The following UBE2E2 variants were observed in gnomAD, a reference collection of about 807,000 sequenced individuals.
UBE2E2 encodes ubiquitin conjugating enzyme E2 E2, also known as ubiquitin-conjugating enzyme E2 E2.
Under a neutral mutation model 24.7 loss-of-function variants are expected in UBE2E2, and 6 were observed. The observed-to-expected ratio is 0.24, with a 90% CI of 0.13 to 0.48. The LOEUF is 0.48. UBE2E2 is among the 20% of genes least tolerant of loss of function. The pLI, the probability that UBE2E2 is intolerant of heterozygous loss-of-function variation, is 0.99. For missense variants in UBE2E2, 169 were observed against 245.0 expected, an observed-to-expected ratio of 0.69 and a Z score of 2.07; for synonymous variants, 104 against 83.6, an observed-to-expected ratio of 1.24 and a Z score of -1.33.
At chr3:23,271,472 G>T (rs1459974713) in intron 3 of UBE2E2, among the ~76,000 whole-genome samples, 1 of 152,152 alleles carries the variant, frequency 6.6e-6, no homozygotes, top group Non-Finnish European at 1.5e-5. Context: ...ACCCGAGTGG[G>T]TTGCTGCCGC....
chr3:23,302,368 C>T (rs1699121812), intron 3 of UBE2E2, among the ~76,000 whole-genome samples: 1 of 152,200 alleles, frequency 6.6e-6, no homozygotes. Context: ...TATCTTATTA[C>T]CAGTTATGCC....
intron 3 of UBE2E2, among the ~76,000 whole-genome samples, chr3:23,339,291 A>G (rs1248753062): frequency 1.3e-5 from 2 of 152,200 alleles, no homozygotes; most frequent in Non-Finnish European, 2.9e-5. Context: ...ATTAAAGGAA[A>G]CCAAAGAGAT....
At chr3:23,389,342 C>T (rs1250427428) in intron 3 of UBE2E2, among the ~76,000 whole-genome samples, 2 of 152,172 alleles carry the variant, frequency 1.3e-5, no homozygotes, top group African/African-American at 4.8e-5. Flanking sequence ...CATCCCCATT[C>T]CTACATTTAA....
At chr3:23,309,969 G>A (rs1365173876) in intron 3 of UBE2E2, among the ~76,000 whole-genome samples, 1 of 152,102 alleles carries the variant, frequency 6.6e-6, no homozygotes, top group African/African-American at 2.4e-5. Flanking sequence ...AGTCACAGAA[G>A]CTATCTAAAA....
intron 3 of UBE2E2, among the ~76,000 whole-genome samples, chr3:23,386,046 A>T (rs572952595): frequency 1.3e-5 from 2 of 152,332 alleles, no homozygotes; most frequent in South Asian, 4.1e-4. Flanking sequence ...ATTAGTGTGG[A>T]TCATGTCTGA....
At chr3:23,562,063 T>C (rs1387325225) in intron 5 of UBE2E2, among the ~76,000 whole-genome samples, 2 of 152,146 alleles carry the variant, frequency 1.3e-5, no homozygotes, top group Non-Finnish European at 2.9e-5. Context: ...CCTTTATTTC[T>C]TTCTCCTGCC....
chr3:23,285,978 T>A (rs1698606828), intron 3 of UBE2E2, among the ~76,000 whole-genome samples: 1 of 152,240 alleles, frequency 6.6e-6, no homozygotes. Flanking sequence ...ATTACAGAAA[T>A]GAGCCACTGT....
At chr3:23,526,145 G>A (rs1317361498) in intron 4 of UBE2E2, among the ~76,000 whole-genome samples, 1 of 152,106 alleles carries the variant, frequency 6.6e-6, no homozygotes, top group East Asian at 1.9e-4. Flanking sequence ...GTTCTCTTTA[G>A]CATTTAAATA....
intron 3 of UBE2E2, among the ~76,000 whole-genome samples, chr3:23,333,144 C>G (rs1695113024): frequency 6.6e-6 from 1 of 152,118 alleles, no homozygotes. Flanking sequence ...CCCTGCAAGG[C>G]TCTCTGAGAC....
chr3:23,291,821 T>C (rs2125248574), intron 3 of UBE2E2, among the ~76,000 whole-genome samples: 1 of 148,852 alleles, frequency 6.7e-6, no homozygotes, highest in African/African-American at 2.5e-5. Flanking sequence ...TAACTGGAAT[T>C]ACAGATGTGT....
intron 3 of UBE2E2, among the ~76,000 whole-genome samples, chr3:23,239,583 G>T (rs1412574226): frequency 6.6e-6 from 1 of 152,100 alleles, no homozygotes; most frequent in African/African-American, 2.4e-5. Context: ...AAAGCATTTA[G>T]TTTTATAATA....
intron 5 of UBE2E2, among the ~76,000 whole-genome samples, chr3:23,563,987 GAAAAA>G (rs1461736769): frequency 2.7e-5 from 4 of 148,082 alleles, no homozygotes; most frequent in Non-Finnish European, 4.5e-5. Context: ...AAGAAAGAAA[GAAAAA>G]GAAAAGAAAA....
intron 3 of UBE2E2, among the ~76,000 whole-genome samples, chr3:23,336,260 G>C (rs1213863345): frequency 3.3e-5 from 5 of 152,178 alleles, no homozygotes; most frequent in Non-Finnish European, 7.4e-5. Context: ...AAGGGGAAGA[G>C]AGGAGAAACC....
At chr3:23,461,025 T>C (rs1698795170) in intron 3 of UBE2E2, among the ~76,000 whole-genome samples, 1 of 152,192 alleles carries the variant, frequency 6.6e-6, no homozygotes, top group Non-Finnish European at 1.5e-5. Flanking sequence ...CACTAGTGAT[T>C]GGTAGAATGG....
chr3:23,560,582 A>C (rs536487082), intron 5 of UBE2E2, among the ~76,000 whole-genome samples: 68 of 152,122 alleles, frequency 4.5e-4, no homozygotes, highest in African/African-American at 1.6e-3. Flanking sequence ...GTATACGCCC[A>C]GTAATGGGAT....
chr3:23,547,153 A>T (rs1426669180), intron 5 of UBE2E2, among the ~76,000 whole-genome samples: 1 of 152,194 alleles, frequency 6.6e-6, no homozygotes, highest in Admixed American at 6.5e-5. Context: ...ATTTGGGTTT[A>T]TTTACAGCTT....
chr3:23,529,467 C>T (rs556495493), intron 4 of UBE2E2, among the ~76,000 whole-genome samples: 47 of 152,216 alleles, frequency 3.1e-4, no homozygotes, highest in African/African-American at 9.9e-4. Flanking sequence ...AAATTTTTAA[C>T]GAAAGAACAG....
intron 3 of UBE2E2, among the ~76,000 whole-genome samples, chr3:23,309,169 G>T (rs1237928305): frequency 1.3e-5 from 2 of 152,246 alleles, no homozygotes; most frequent in Non-Finnish European, 2.9e-5. Context: ...ACTCACAGGG[G>T]TGCCTTGTTA....
At chr3:23,441,395 TGGGCATGGTGGC>T (rs1336401179) in intron 3 of UBE2E2, among the ~76,000 whole-genome samples, 194 of 142,786 alleles carry the variant, frequency 1.4e-3, no homozygotes, top group African/African-American at 4.8e-3. Context: ...AAAAATTAGC[TGGGCATGGTGGC>T]GGGCGCCTGT....
Sources: gnomAD v4.1 joint callset for allele counts (sites outside exome capture counted in the v4.1 genomes callset) on GRCh38, gnomAD v4.1.1 for gene constraint, MANE v1.5 for transcripts, NCBI Gene and HGNC (gene_info 2026-07-23, HGNC 2026-07-21) for gene names.